The following ARHGAP26 variants were observed in gnomAD, a reference collection of about 807,000 sequenced individuals.
ARHGAP26 encodes rho GTPase-activating protein 26.
ARHGAP26 carries 38 observed loss-of-function variants against 104.8 expected under a neutral mutation model. That is an observed-to-expected ratio of 0.36 (90% CI 0.28 to 0.48). ARHGAP26 has a LOEUF of 0.48. Among genes scored for constraint, ARHGAP26 ranks in the 20% least tolerant of loss-of-function variants. The pLI is 0.99. For missense variants in ARHGAP26, 704 were observed against 947.9 expected (o/e 0.74, Z 3.38); for synonymous variants, 341 against 340.0 (o/e 1.00, Z -0.03).
intron 22 of ARHGAP26, among the ~76,000 whole-genome samples, chr5:143,217,783 G>A (rs1161660308): frequency 6.6e-6 from 1 of 152,188 alleles, no homozygotes; most frequent in South Asian, 2.1e-4. Flanking sequence ...TCCACTGGCC[G>A]CCTGACACAT....
intron 1 of ARHGAP26, among the ~76,000 whole-genome samples, chr5:142,830,416 G>A (rs905076164): frequency 6.6e-6 from 1 of 152,146 alleles, no homozygotes; most frequent in Non-Finnish European, 1.5e-5. Flanking sequence ...GGTAGGAAGG[G>A]GAAGTGAAGG....
At chr5:143,128,006 C>T (rs1317270584) in intron 18 of ARHGAP26, among the ~76,000 whole-genome samples, 1 of 152,094 alleles carries the variant, frequency 6.6e-6, no homozygotes, top group Non-Finnish European at 1.5e-5. Context: ...GTTGACTTCC[C>T]TTCCAATGGT....
intron 1 of ARHGAP26, among the ~76,000 whole-genome samples, chr5:142,801,054 G>A (rs1761985746): frequency 6.6e-6 from 1 of 152,180 alleles, no homozygotes; most frequent in African/African-American, 2.4e-5. Flanking sequence ...TGCAGGTGCC[G>A]TTTCCTGTTC....
At chr5:143,176,120 G>GTAAA (rs35059079) in intron 20 of ARHGAP26, among the ~76,000 whole-genome samples, 54 of 152,024 alleles carry the variant, frequency 3.6e-4, no homozygotes, top group Non-Finnish European at 6.2e-4. Context: ...TCTCAAATAA[G>GTAAA]TAAATAAATA....
intron 5 of ARHGAP26, among the ~76,000 whole-genome samples, chr5:142,886,495 G>A (rs1757720976): frequency 6.6e-6 from 1 of 152,188 alleles, no homozygotes; most frequent in Non-Finnish European, 1.5e-5. Context: ...AATGACAACT[G>A]TAGCAGCAAC....
intron 20 of ARHGAP26, among the ~76,000 whole-genome samples, chr5:143,155,164 G>A (rs1169309697): frequency 1.3e-5 from 2 of 152,124 alleles, no homozygotes; most frequent in African/African-American, 4.8e-5. Context: ...GTTTTCAAAA[G>A]GATTCATTTG....
chr5:143,218,390 C>T (rs1329392867), intron 22 of ARHGAP26, among the ~76,000 whole-genome samples: 3 of 152,220 alleles, frequency 2.0e-5, no homozygotes, highest in Non-Finnish European at 4.4e-5. Flanking sequence ...AAGGACCTAG[C>T]ATGGTGTCTA....
rs548678172 is a variant in ARHGAP26, at chr5:142,845,669, G to C, written c.155-27731G>C. 2.0e-4 allele frequency among the ~76,000 whole-genome samples: 31 copies of C among 152,298 alleles called. No individual in the cohort carries two copies. In the South Asian group the frequency reaches 6.4e-3, roughly 32 times the overall value. On this transcript the variant is annotated intron_variant, in intron 1 of 22. Transcript: ENST00000645722. ...TGTACAGACACATATCAGCTTCTCA[G>C]TACTAAAATCAGCTAAAGCAGCTGA...
intron 20 of ARHGAP26, among the ~76,000 whole-genome samples, chr5:143,176,153 C>T (rs976391013): frequency 7.9e-5 from 12 of 152,062 alleles, no homozygotes; most frequent in African/African-American, 2.9e-4. Context: ...AAATATGACA[C>T]GTGACAATGA....
chr5:142,925,854 T>C (rs918632080), intron 10 of ARHGAP26, among the ~76,000 whole-genome samples: 2 of 152,174 alleles, frequency 1.3e-5, no homozygotes, highest in African/African-American at 2.4e-5. Flanking sequence ...AGATTTATAG[T>C]CTTATGAATG....
intron 1 of ARHGAP26, among the ~76,000 whole-genome samples, chr5:142,821,543 A>T (rs892963970): frequency 2.6e-5 from 4 of 152,042 alleles, no homozygotes; most frequent in Non-Finnish European, 4.4e-5. Flanking sequence ...TTGCTGGGCC[A>T]TGGCTGGGAA....
chr5:142,891,541 A>G (rs1758662386), intron 5 of ARHGAP26, among the ~76,000 whole-genome samples: 1 of 151,918 alleles, frequency 6.6e-6, no homozygotes, highest in South Asian at 2.1e-4. Context: ...CTATGCTGTA[A>G]GTTCTATGAA....
chr5:143,206,525 A>G (rs1215156130), intron 20 of ARHGAP26, among the ~76,000 whole-genome samples: 1 of 152,088 alleles, frequency 6.6e-6, no homozygotes, highest in African/African-American at 2.4e-5. Flanking sequence ...TTTTTCTTTG[A>G]GTATCGTAAT....
chr5:142,894,646 G>T (rs1562033227), intron 6 of ARHGAP26, among the ~76,000 whole-genome samples: 1 of 152,208 alleles, frequency 6.6e-6, no homozygotes, highest in African/African-American at 2.4e-5. Context: ...GTCCAGAGGG[G>T]AGGGGTTCTC....
intron 10 of ARHGAP26, among the ~76,000 whole-genome samples, chr5:142,919,856 C>T (rs1175773206): frequency 6.6e-6 from 1 of 151,932 alleles, no homozygotes; most frequent in African/African-American, 2.4e-5. Context: ...AAAAAATTAG[C>T]CGAGCATGGT....
chr5:142,809,605 A>G (rs999086087), intron 1 of ARHGAP26, among the ~76,000 whole-genome samples: 1 of 152,244 alleles, frequency 6.6e-6, no homozygotes, highest in African/African-American at 2.4e-5. Context: ...AAAGAGAAAA[A>G]TAGTCCTCCT....
chr5:143,057,753 T>A lies in ARHGAP26; in HGVS notation c.1538+6T>A, dbSNP rs766703274. On this transcript the variant is annotated splice_donor_region_variant and intron_variant, in intron 17 of 22. Coordinates refer to ENST00000645722, the MANE Select transcript of ARHGAP26 (RefSeq NM_001135608.3). ...CTCATGAACCACTTGGCAAAGTAGG[T>A]TTAAGACCAATTACTAGCCTTTTTC... 7 of 1,611,356 alleles carry A rather than the reference T, an allele frequency of 4.3e-6. No homozygotes were observed. The highest frequency in any genetic ancestry group is 2.2e-5 in the South Asian group (2 of 91,008).
At chr5:142,960,278 A>G (rs1159016710) in intron 11 of ARHGAP26, among the ~76,000 whole-genome samples, 1 of 152,254 alleles carries the variant, frequency 6.6e-6, no homozygotes, top group South Asian at 2.1e-4. Flanking sequence ...GTTAAGTTCT[A>G]TGTACTCAGT....
At chr5:143,051,800 TG>T (rs11326621) in intron 14 of ARHGAP26, among the ~76,000 whole-genome samples, 4,744 of 152,318 alleles carry the variant, frequency 0.031, 222 homozygotes, top group African/African-American at 0.096. Context: ...GTTTGCTAAA[TG>T]TGGTTCATGC....
Sources: allele counts gnomAD v4.1 joint callset (sites outside exome capture counted in the v4.1 genomes callset), GRCh38; gene constraint gnomAD v4.1.1; transcripts MANE v1.5; gene names NCBI Gene and HGNC (gene_info 2026-07-23, HGNC 2026-07-21).